SLC44A5: variants seen among roughly 807,000 people sequenced by gnomAD.
SLC44A5 encodes the protein choline transporter-like protein 5.
A neutral mutation model predicts 101.8 loss-of-function variants in SLC44A5; 57 were observed. The ratio of observed to expected loss-of-function variants is 0.56; its 90% CI spans 0.45 to 0.70. The LOEUF (loss-of-function observed/expected upper bound fraction) is 0.70. Ranked by LOEUF, SLC44A5 falls within the 30% of genes least tolerant of loss-of-function variation. The pLI is 0.00. For missense variants in SLC44A5, 737 were observed against 853.1 expected, an observed-to-expected ratio of 0.86 and a Z score of 1.70; for synonymous variants, 281 against 290.9, an observed-to-expected ratio of 0.97 and a Z score of 0.35.
At chr1:75,601,817 G>C (rs933269928) in intron 1 of SLC44A5, among the ~76,000 whole-genome samples, 5 of 152,210 alleles carry the variant, frequency 3.3e-5, no homozygotes, top group Non-Finnish European at 7.4e-5. Flanking sequence ...CCCACCCCGA[G>C]TTGTTTTCCT....
intron 2 of SLC44A5, among the ~76,000 whole-genome samples, chr1:75,480,095 A>C (rs1051175786): frequency 6.6e-6 from 1 of 152,252 alleles, no homozygotes; most frequent in African/African-American, 2.4e-5. Flanking sequence ...AGGCTGGTTC[A>C]ATATATGCAA....
chr1:75,610,730 T>C (rs921909131), intron 1 of SLC44A5, among the ~76,000 whole-genome samples: 4 of 152,088 alleles, frequency 2.6e-5, no homozygotes, highest in Non-Finnish European at 4.4e-5. Flanking sequence ...TTTTGGTGAA[T>C]ATTAAGAGAA....
intron 6 of SLC44A5, among the ~76,000 whole-genome samples, chr1:75,258,396 T>TACAAAGTTGTTGGGA (rs1553150409): frequency 1.3e-5 from 2 of 151,150 alleles, no homozygotes; most frequent in Non-Finnish European, 2.9e-5. Flanking sequence ...TAGGTGGTTT[T>TACAAAGTTGTTGGGA]ACAAAGTCGT....
chr1:75,570,750 G>A (rs1457671669), intron 1 of SLC44A5, among the ~76,000 whole-genome samples: 2 of 152,088 alleles, frequency 1.3e-5, no homozygotes, highest in African/African-American at 4.8e-5. Flanking sequence ...TCCCACCCCT[G>A]GAAGTAAGAC....
At chr1:75,689,182 C>T in the SLC44A5 span, among the ~76,000 whole-genome samples, 1 of 152,100 alleles carries the variant, frequency 6.6e-6, no homozygotes, top group East Asian at 1.9e-4. Context: ...TATTAAGGGA[C>T]CTAGAGCTAG....
chr1:75,659,443 G>GGGAGGGAAGGAAGGAAGGAAGGAC, the SLC44A5 span, among the ~76,000 whole-genome samples: 1 of 61,106 alleles, frequency 1.6e-5, no homozygotes, highest in Non-Finnish European at 3.1e-5. Flanking sequence ...GAGGGAGGGA[G>GGGAGGGAAGGAAGGAAGGAAGGAC]GGAAGGAAGG....
intron 2 of SLC44A5, among the ~76,000 whole-genome samples, chr1:75,450,332 A>G (rs1665833854): frequency 6.6e-6 from 1 of 152,196 alleles, no homozygotes; most frequent in Non-Finnish European, 1.5e-5. Context: ...GGCGCCAGGA[A>G]AAGCTGTAGA....
rs190584090 is a variant in SLC44A5 at position 75,416,817 on chromosome 1, A to G, written c.14-20196T>C. 4.6e-5 allele frequency among the ~76,000 whole-genome samples: 7 copies of G among 152,314 alleles called. No individual in the cohort carries two copies. In the East Asian group the frequency reaches 1.4e-3, roughly 29 times the overall value. The stretch of plus-strand genomic sequence containing the variant: ...CTACCCTGTTGGATTTTGGACTTGC[A>G]TGGGGCCTGTAGCCCCTTTGTTTTG... On this transcript the variant is annotated intron_variant, in intron 2 of 23. Coordinates refer to ENST00000370859, the MANE Select transcript of SLC44A5 (RefSeq NM_001130058.2).
intron 2 of SLC44A5, among the ~76,000 whole-genome samples, chr1:75,502,551 TG>T (rs1669019311): frequency 2.0e-5 from 3 of 148,258 alleles, no homozygotes; most frequent in Admixed American, 1.3e-4. Flanking sequence ...CTTTTTTATT[TG>T]TTTATTTTTT....
chr1:75,365,441 A>G (rs944514826), intron 3 of SLC44A5, among the ~76,000 whole-genome samples: 3 of 152,160 alleles, frequency 2.0e-5, no homozygotes, highest in African/African-American at 7.2e-5. Context: ...CTGTTCCTGC[A>G]TTAGTTTGCT....
chr1:75,676,481 T>G, the SLC44A5 span, among the ~76,000 whole-genome samples: 1 of 152,166 alleles, frequency 6.6e-6, no homozygotes, highest in African/African-American at 2.4e-5. Context: ...ATGTTCCCAC[T>G]TATCAGTGGG....
At chr1:75,387,589 A>G (rs1479247852) in intron 3 of SLC44A5, among the ~76,000 whole-genome samples, 2 of 72,104 alleles carry the variant, frequency 2.8e-5, no homozygotes, top group East Asian at 7.3e-4. Context: ...GTGGAGAAAT[A>G]GGAACACTTT....
intron 2 of SLC44A5, among the ~76,000 whole-genome samples, chr1:75,456,850 G>A (rs1160322993): frequency 5.3e-5 from 8 of 152,228 alleles, no homozygotes; most frequent in Admixed American, 5.2e-4. Context: ...ACAGTTATAA[G>A]AAGCACCTTA....
chr1:75,392,834 A>G (rs4949851), intron 3 of SLC44A5, among the ~76,000 whole-genome samples: 15,033 of 152,208 alleles, frequency 0.099, 863 homozygotes, highest in Admixed American at 0.19. Flanking sequence ...AAAAAGAGAG[A>G]AATTATGTCC....
At chr1:75,352,115 C>T (rs1250098637) in intron 3 of SLC44A5, among the ~76,000 whole-genome samples, 1 of 151,906 alleles carries the variant, frequency 6.6e-6, no homozygotes, top group Non-Finnish European at 1.5e-5. Flanking sequence ...AAGTTATCTA[C>T]CTAAGGAAGG....
chr1:75,348,230 G>C (rs984614907), intron 3 of SLC44A5, among the ~76,000 whole-genome samples: 2 of 151,544 alleles, frequency 1.3e-5, no homozygotes, highest in African/African-American at 2.4e-5. Flanking sequence ...TATCTTAAAA[G>C]CACTATAAAA....
chr1:75,489,244 A>T (rs1668311414), intron 2 of SLC44A5, among the ~76,000 whole-genome samples: 1 of 152,204 alleles, frequency 6.6e-6, no homozygotes, highest in Non-Finnish European at 1.5e-5. Context: ...TTATTTTAAA[A>T]AAAACATAAA....
chr1:75,317,557 T>A (rs2100941134), intron 4 of SLC44A5, among the ~76,000 whole-genome samples: 1 of 152,276 alleles, frequency 6.6e-6, no homozygotes, highest in African/African-American at 2.4e-5. Context: ...TTAAAAGCAC[T>A]ATTCTGGTGG....
the SLC44A5 span, among the ~76,000 whole-genome samples, chr1:75,719,576 A>C: frequency 6.6e-6 from 1 of 152,186 alleles, no homozygotes; most frequent in Non-Finnish European, 1.5e-5. Flanking sequence ...AGAAGTCTCT[A>C]AAAAGGAACT....
Sources: allele counts gnomAD v4.1 joint callset (sites outside exome capture counted in the v4.1 genomes callset), GRCh38; gene constraint gnomAD v4.1.1; transcripts MANE v1.5; gene names NCBI Gene and HGNC (gene_info 2026-07-23, HGNC 2026-07-21).